Variants in RAB7A observed in about 807,000 individuals in gnomAD.
The protein encoded by RAB7A is RAB7A, member RAS oncogene family, also known as ras-related protein Rab-7a.
RAB7A carries 2 observed loss-of-function variants against 24.5 expected under a neutral mutation model. The observed-to-expected ratio is 0.08, with a 90% CI of 0.03 to 0.26. RAB7A has a LOEUF of 0.26. RAB7A is among the 10% of genes least tolerant of loss of function. The pLI is 1.00. For missense variants in RAB7A, 118 were observed against 255.7 expected, an observed-to-expected ratio of 0.46 and a Z score of 3.67; for synonymous variants, 100 against 95.9, an observed-to-expected ratio of 1.04 and a Z score of -0.25.
At chr3:128,763,208 A>ATATATATATATTTTTTT (rs373993932) in intron 1 of RAB7A, among the ~76,000 whole-genome samples, 8 of 76,058 alleles carry the variant, frequency 1.1e-4, no homozygotes, top group African/African-American at 3.3e-4. Flanking sequence ...ATATATATAT[A>ATATATATATATTTTTTT]TTTTTTTTTT....
intron 1 of RAB7A, among the ~76,000 whole-genome samples, chr3:128,778,471 T>G (rs1259975591): frequency 1.3e-5 from 2 of 152,192 alleles, no homozygotes. Flanking sequence ...TAGGAATGTG[T>G]GGTCTAGACT....
At chr3:128,732,057 C>A (rs1418294015) in intron 1 of RAB7A, among the ~76,000 whole-genome samples, 1 of 142,874 alleles carries the variant, frequency 7.0e-6, no homozygotes, top group Non-Finnish European at 1.5e-5. Context: ...TTTTCTCTCT[C>A]TGAGACAGAG....
intron 1 of RAB7A, among the ~76,000 whole-genome samples, chr3:128,732,113 C>A (rs2070444625): frequency 6.7e-6 from 1 of 149,120 alleles, no homozygotes; most frequent in Non-Finnish European, 1.5e-5. Context: ...GATCTCGGCT[C>A]ACTGCAACCT....
chr3:128,796,802 A>C (rs1050470660), intron 2 of RAB7A, among the ~76,000 whole-genome samples: 4 of 152,000 alleles, frequency 2.6e-5, no homozygotes, highest in African/African-American at 9.7e-5. Flanking sequence ...AGCTGGGACC[A>C]CCAGTGTGTG....
intron 5 of RAB7A, among the ~76,000 whole-genome samples, chr3:128,812,557 G>T (rs1933949782): frequency 6.6e-6 from 1 of 152,196 alleles, no homozygotes; most frequent in African/African-American, 2.4e-5. Context: ...ACAGTCACTG[G>T]CACACAAGTG....
intron 2 of RAB7A, 117 bp downstream of exon 2, chr3:128,795,537 C>CAT (rs1933547399): frequency 2.2e-6 from 2 of 913,300 alleles, no homozygotes; most frequent in Non-Finnish European, 3.7e-6. Flanking sequence ...TAGGGCCTTA[C>CAT]ATGTTTCCCT....
intron 1 of RAB7A, among the ~76,000 whole-genome samples, chr3:128,786,790 A>G (rs894449890): frequency 4.6e-5 from 7 of 152,234 alleles, no homozygotes; most frequent in African/African-American, 1.7e-4. Flanking sequence ...ATGCCGAGTG[A>G]TTAAAACATT....
In RAB7A at chr3:128,811,300, T is replaced by A. The variant is rs573300225; in HGVS notation, c.529-2027T>A. Among the ~76,000 whole-genome samples, 4 of 152,336 alleles carry A rather than the reference T, an allele frequency of 2.6e-5. No homozygotes were observed. In the East Asian group the frequency reaches 5.8e-4, roughly 22 times the overall value. On this transcript the variant is annotated intron_variant, in intron 5 of 5. Coordinates refer to ENST00000265062, the MANE Select transcript of RAB7A (RefSeq NM_004637.6). ...CCCATGCTATAATTGATTTATAATA[T>A]GATCCTTTGCCTTTCACAGTAAACA...
chr3:128,780,547 C>T (rs567256991), intron 1 of RAB7A, among the ~76,000 whole-genome samples: 4 of 152,176 alleles, frequency 2.6e-5, no homozygotes, highest in African/African-American at 9.7e-5. Context: ...ACAGTTTTGT[C>T]TGCAGGTCAT....
chr3:128,772,922 C>T (rs1289913564), intron 1 of RAB7A, among the ~76,000 whole-genome samples: 2 of 152,194 alleles, frequency 1.3e-5, no homozygotes, highest in Middle Eastern at 3.2e-3. Flanking sequence ...AGTGCAGTGG[C>T]GTGATCTCGG....
intron 1 of RAB7A, among the ~76,000 whole-genome samples, chr3:128,789,471 T>C (rs1576296069): frequency 6.6e-6 from 1 of 150,992 alleles, no homozygotes; most frequent in Admixed American, 6.6e-5. Flanking sequence ...GAGTAGTTAT[T>C]ACAGGTGTGT....
rs954017821 is a variant in RAB7A, at chr3:128,765,072, G to A, written c.-8-30288G>A. On this transcript the variant is annotated intron_variant, in intron 1 of 5. Coordinates refer to ENST00000265062, the MANE Select transcript of RAB7A (RefSeq NM_004637.6). ...GGCTGCGCGGCGCTGGAGCGGCGGC[G>A]GGGGCCTTGGGATGGTCCGAGGGTG... The A allele has an allele frequency of 4.9e-5, 48 of 988,470 alleles. 1 individual carries two copies. In the Admixed American group the frequency reaches 4.9e-4, roughly 10 times the overall value. The allele number at this position is 988,470 out of a possible 1,614,324, so 61.2% of individuals were successfully genotyped here.
intron 3 of RAB7A, 173 bp downstream of exon 3, chr3:128,798,242 T>TTAG (rs1933615463): frequency 2.7e-6 from 2 of 731,424 alleles, no homozygotes; most frequent in East Asian, 6.0e-5. Flanking sequence ...GAATACTTTT[T>TTAG]TAGTATACTT....
chr3:128,757,479 ATATTT>A (rs2070739697), intron 1 of RAB7A, among the ~76,000 whole-genome samples: 1 of 152,012 alleles, frequency 6.6e-6, no homozygotes, highest in South Asian at 2.1e-4. Context: ...TGAATGTTTT[ATATTT>A]TATTTTTTAA....
chr3:128,796,014 G>C (rs1385944618), intron 2 of RAB7A, among the ~76,000 whole-genome samples: 3 of 151,990 alleles, frequency 2.0e-5, no homozygotes, highest in Non-Finnish European at 2.9e-5. Flanking sequence ...GCCTCCCAAA[G>C]TGCTGGGATT....
chr3:128,782,323 A>C (rs922762138), intron 1 of RAB7A, among the ~76,000 whole-genome samples: 1 of 152,130 alleles, frequency 6.6e-6, no homozygotes, highest in African/African-American at 2.4e-5. Context: ...AGCTGAATGG[A>C]GAAACACTGC....
chr3:128,756,554 A>G (rs2070730950), intron 1 of RAB7A, among the ~76,000 whole-genome samples: 1 of 152,162 alleles, frequency 6.6e-6, no homozygotes, highest in African/African-American at 2.4e-5. Context: ...GGATTTAAAA[A>G]CTTACTATTG....
chr3:128,758,861 A>T (rs2070754154), intron 1 of RAB7A, among the ~76,000 whole-genome samples: 1 of 152,118 alleles, frequency 6.6e-6, no homozygotes, highest in African/African-American at 2.4e-5. Flanking sequence ...TTTTTTGCTT[A>T]AGATTTAACA....
chr3:128,763,875 C>T (rs1361274726), intron 1 of RAB7A, among the ~76,000 whole-genome samples: 5 of 120,070 alleles, frequency 4.2e-5, no homozygotes, highest in African/African-American at 1.5e-4. Context: ...CCCCCCCCCC[C>T]GCCCCTGCTT....
Sources: allele counts gnomAD v4.1 joint callset (sites outside exome capture counted in the v4.1 genomes callset), GRCh38; gene constraint gnomAD v4.1.1; transcripts MANE v1.5; gene names NCBI Gene and HGNC (gene_info 2026-07-23, HGNC 2026-07-21).